Variants in LMNTD1 observed in about 807,000 individuals in gnomAD.
LMNTD1 encodes lamin tail domain-containing protein 1.
LMNTD1 carries 35 observed loss-of-function variants against 50.9 expected under a neutral mutation model. The observed-to-expected ratio is 0.69, with a 90% CI of 0.53 to 0.91. LMNTD1 has a LOEUF of 0.91. Ranked by LOEUF, LMNTD1 falls within the 40% of genes least tolerant of loss-of-function variation. LMNTD1 has a pLI of 0.00. For missense variants in LMNTD1, 470 were observed against 475.5 expected (o/e 0.99, Z 0.11); for synonymous variants, 153 against 161.9 (o/e 0.94, Z 0.42).
chr12:25,559,470 A>G (rs1347531108), intron 1 of LMNTD1, among the ~76,000 whole-genome samples: 1 of 151,756 alleles, frequency 6.6e-6, no homozygotes, highest in East Asian at 1.9e-4. Context: ...GTTGGTTCCA[A>G]CTCTTTGCTA....
At chr12:25,505,774 T>A (rs1939723877) in intron 8 of LMNTD1, among the ~76,000 whole-genome samples, 1 of 152,200 alleles carries the variant, frequency 6.6e-6, no homozygotes, top group South Asian at 2.1e-4. Context: ...TTTCTATCCC[T>A]CTGGATAGTC....
In LMNTD1 at chr12:25,601,621, A is replaced by T. The variant is rs531737120; in HGVS notation, c.58+46873T>A. Among the ~76,000 whole-genome samples, 3 of 152,010 alleles carry T rather than the reference A, an allele frequency of 2.0e-5. No individual in the cohort carries two copies. The South Asian group carries it at 6.2e-4, about 32-fold the overall frequency. On this transcript the variant is annotated intron_variant, in intron 1 of 7. Transcript: ENST00000445693. ...ACTATGTACCCACAAAAATTAAAAT[A>T]AAAATTTTTTTTAATCCCAGAGAAG...
intron 1 of LMNTD1, among the ~76,000 whole-genome samples, chr12:25,603,713 A>T (rs1184585621): frequency 6.6e-6 from 1 of 152,060 alleles, no homozygotes; most frequent in Non-Finnish European, 1.5e-5. Context: ...CAATAAATAT[A>T]CACAAATAGC....
At chr12:25,599,558 ACT>A (rs1945917305) in intron 1 of LMNTD1, among the ~76,000 whole-genome samples, 2 of 151,994 alleles carry the variant, frequency 1.3e-5, no homozygotes, top group African/African-American at 4.8e-5. Flanking sequence ...AAACCTAAAG[ACT>A]CTACCAAAAA....
At chr12:25,529,133 T>C (rs966036140) in intron 4 of LMNTD1, among the ~76,000 whole-genome samples, 2 of 152,192 alleles carry the variant, frequency 1.3e-5, no homozygotes. Context: ...CCTTTGTTTC[T>C]TGAAGTCAAC....
chr12:25,493,374 C>T (rs540574334), intron 9 of LMNTD1, among the ~76,000 whole-genome samples: 2 of 152,216 alleles, frequency 1.3e-5, no homozygotes, highest in Non-Finnish European at 2.9e-5. Flanking sequence ...AGTGACTAAA[C>T]GAAGAGGGAA....
At chr12:25,607,717 G>T (rs1946146146) in intron 1 of LMNTD1, among the ~76,000 whole-genome samples, 1 of 152,190 alleles carries the variant, frequency 6.6e-6, no homozygotes, top group African/African-American at 2.4e-5. Flanking sequence ...TGTGATTTCT[G>T]TTCTTTTACA....
At chr12:25,578,821 T>G (rs2136403964) in intron 1 of LMNTD1, among the ~76,000 whole-genome samples, 1 of 152,350 alleles carries the variant, frequency 6.6e-6, no homozygotes, top group South Asian at 2.1e-4. Context: ...AAAATCTAAC[T>G]TTGGCCTTAA....
intron 5 of LMNTD1, among the ~76,000 whole-genome samples, chr12:25,526,513 C>A (rs1030700950): frequency 8.5e-5 from 13 of 152,076 alleles, no homozygotes; most frequent in Admixed American, 8.5e-4. Context: ...TTAAGAATTT[C>A]ATTTTAATAG....
At chr12:25,605,617 T>A (rs1946081431) in intron 1 of LMNTD1, among the ~76,000 whole-genome samples, 1 of 152,214 alleles carries the variant, frequency 6.6e-6, no homozygotes, top group African/African-American at 2.4e-5. Context: ...CCCCATTGCT[T>A]GTTTGTGTCA....
chr12:25,637,937 T>C (rs1946871181), intron 1 of LMNTD1, among the ~76,000 whole-genome samples: 1 of 151,904 alleles, frequency 6.6e-6, no homozygotes, highest in Non-Finnish European at 1.5e-5. Flanking sequence ...TATTCACATA[T>C]ATGCAAAAAT....
At chr12:25,589,028 C>A (rs1048188344) in intron 1 of LMNTD1, among the ~76,000 whole-genome samples, 1 of 152,116 alleles carries the variant, frequency 6.6e-6, no homozygotes, top group East Asian at 1.9e-4. Flanking sequence ...TCTTACATTG[C>A]TAGAAACCGA....
chr12:25,648,364 A>T (rs988838243), intron 1 of LMNTD1: 20 of 700,236 alleles, frequency 2.9e-5, no homozygotes, highest in Non-Finnish European at 4.7e-5. Context: ...TTATGAAAAA[A>T]ATTGTTCTTA....
At chr12:25,544,806 T>C (rs1943324427) in intron 4 of LMNTD1, among the ~76,000 whole-genome samples, 1 of 151,534 alleles carries the variant, frequency 6.6e-6, no homozygotes, top group South Asian at 2.1e-4. Flanking sequence ...TTACCTTGAA[T>C]CACAAAGGAA....
chr12:25,482,343 T>C (rs1298241965), intron 9 of LMNTD1, among the ~76,000 whole-genome samples: 1 of 151,930 alleles, frequency 6.6e-6, no homozygotes, highest in African/African-American at 2.4e-5. Context: ...AGTAACTATA[T>C]TTTTTTATAG....
intron 4 of LMNTD1, among the ~76,000 whole-genome samples, chr12:25,545,156 T>C (rs1943351227): frequency 1.3e-5 from 2 of 151,756 alleles, no homozygotes; most frequent in South Asian, 2.1e-4. Flanking sequence ...ATAGGTCTCG[T>C]GGTGGTGAAT....
intron 1 of LMNTD1, among the ~76,000 whole-genome samples, chr12:25,567,035 CACTAGGA>C (rs1944584233): frequency 6.6e-6 from 1 of 152,172 alleles, no homozygotes; most frequent in South Asian, 2.1e-4. Context: ...CTCCAACTTT[CACTAGGA>C]ACAGAAAAGA....
chr12:25,602,099 A>C (rs1175579146), intron 1 of LMNTD1, among the ~76,000 whole-genome samples: 1 of 151,872 alleles, frequency 6.6e-6, no homozygotes, highest in African/African-American at 2.4e-5. Context: ...TATATTTAGA[A>C]ATTTGTCTTA....
intron 9 of LMNTD1, among the ~76,000 whole-genome samples, chr12:25,484,215 G>A (rs12368110): frequency 5.3e-5 from 8 of 151,860 alleles, no homozygotes; most frequent in South Asian, 2.1e-4. Context: ...AAGTGTTTAC[G>A]TAGAAAAATA....
Sources: gnomAD v4.1 joint callset for allele counts (sites outside exome capture counted in the v4.1 genomes callset) on GRCh38, gnomAD v4.1.1 for gene constraint, MANE v1.5 for transcripts, NCBI Gene and HGNC (gene_info 2026-07-23, HGNC 2026-07-21) for gene names.